Variants in MACROD2 observed in about 807,000 individuals in gnomAD.
MACROD2 encodes mono-ADP ribosylhydrolase 2.
MACROD2 carries 36 observed loss-of-function variants against 70.4 expected under a neutral mutation model. The ratio of observed to expected loss-of-function variants is 0.51; its 90% CI spans 0.39 to 0.68. The LOEUF (loss-of-function observed/expected upper bound fraction) is 0.68. Ranked by LOEUF, MACROD2 falls within the 30% of genes least tolerant of loss-of-function variation. The probability of loss-of-function intolerance (pLI) is 0.00; values close to 1 mark genes in which losing one functional copy is unlikely to be tolerated. For missense variants in MACROD2, 496 were observed against 538.4 expected (o/e 0.92, Z 0.78); for synonymous variants, 172 against 178.8 (o/e 0.96, Z 0.30).
intron 2 of MACROD2, among the ~76,000 whole-genome samples, chr20:14,012,653 T>C (rs907417613): frequency 2.6e-5 from 4 of 152,198 alleles, no homozygotes. Context: ...GCATTATTAA[T>C]GGCACTTTGT....
rs112533233 is a variant in MACROD2 at position 15,148,530 on chromosome 20, C to T, written c.419-81410C>T. ...TGATGGCTTGGAAAAACAGTGTAAACTGGCACTGTAAACAAGAGCAGGGCA... is the reference window on the plus strand; with the variant it reads ...TGATGGCTTGGAAAAACAGTGTAAATTGGCACTGTAAACAAGAGCAGGGCA... On this transcript the variant is annotated intron_variant, in intron 5 of 17. Transcript: ENST00000684519. 7.6e-4 allele frequency among the ~76,000 whole-genome samples: 116 copies of T among 152,130 alleles called. 1 individual carries two copies. The Middle Eastern group carries it at 0.01, about 13-fold the overall frequency.
intron 5 of MACROD2, among the ~76,000 whole-genome samples, chr20:14,857,025 C>G (rs1321937241): frequency 6.6e-6 from 1 of 152,086 alleles, no homozygotes; most frequent in African/African-American, 2.4e-5. Flanking sequence ...CCCATATAGT[C>G]CAGCATAAAC....
intron 6 of MACROD2, among the ~76,000 whole-genome samples, chr20:15,262,605 T>C (rs559347379): frequency 6.6e-6 from 1 of 152,228 alleles, no homozygotes; most frequent in African/African-American, 2.4e-5. Flanking sequence ...TATTTTTAGT[T>C]TTCTGAGAAA....
At chr20:15,174,620 A>G (rs933684699) in intron 5 of MACROD2, among the ~76,000 whole-genome samples, 67 of 152,152 alleles carry the variant, frequency 4.4e-4, no homozygotes, top group Non-Finnish European at 4.4e-4. Flanking sequence ...AGTCCCACCA[A>G]CAGTGTAAAA....
At chr20:15,054,946 C>CTTTTTTTTTTT (rs10673344) in intron 5 of MACROD2, among the ~76,000 whole-genome samples, 1 of 120,756 alleles carries the variant, frequency 8.3e-6, no homozygotes, top group African/African-American at 3.7e-5. Context: ...CCACATCTAG[C>CTTTTTTTTTTT]TTTTTTTTTT....
chr20:16,023,126 A>G (rs1486634505), intron 15 of MACROD2, among the ~76,000 whole-genome samples: 1 of 152,172 alleles, frequency 6.6e-6, no homozygotes, highest in Non-Finnish European at 1.5e-5. Flanking sequence ...CAAAGTGGAG[A>G]GTTTAATATA....
intron 3 of MACROD2, among the ~76,000 whole-genome samples, chr20:14,171,761 T>C (rs1295447940): frequency 6.6e-6 from 1 of 152,248 alleles, no homozygotes; most frequent in Non-Finnish European, 1.5e-5. Context: ...TATCATGTTG[T>C]CTATCTTGGA....
chr20:14,869,917 A>G (rs2073469032), intron 5 of MACROD2, among the ~76,000 whole-genome samples: 1 of 152,134 alleles, frequency 6.6e-6, no homozygotes, highest in Non-Finnish European at 1.5e-5. Context: ...CCATACAACC[A>G]TTCAGGAACC....
At chr20:14,631,631 C>A (rs902202982) in intron 4 of MACROD2, among the ~76,000 whole-genome samples, 7 of 152,024 alleles carry the variant, frequency 4.6e-5, no homozygotes, top group African/African-American at 1.7e-4. Flanking sequence ...AAAAATTAGC[C>A]AGGCATGGTG....
rs572036947 is a variant in MACROD2 at position 15,624,155 on chromosome 20, A to G, written c.645+124308A>G. Among the ~76,000 whole-genome samples, 6 of 152,320 alleles carry G rather than the reference A, an allele frequency of 3.9e-5. No homozygotes were observed. In the South Asian group the frequency reaches 1.2e-3, roughly 32 times the overall value. On this transcript the variant is annotated intron_variant, in intron 8 of 17. Coordinates refer to ENST00000684519, the MANE Select transcript of MACROD2 (RefSeq NM_001351661.2). ...AGTCCAAGGGTCCAACAGCCAAAGA[A>G]CTTGGAGTCTGATGTTTGAGGGCAG...
intron 6 of MACROD2, among the ~76,000 whole-genome samples, chr20:15,337,067 CT>C (rs2078056567): frequency 1.3e-5 from 2 of 151,746 alleles, no homozygotes; most frequent in African/African-American, 4.9e-5. Flanking sequence ...GAACTTTATT[CT>C]CTTAACCAGT....
chr20:14,786,774 G>C (rs893041522), intron 5 of MACROD2, among the ~76,000 whole-genome samples: 4 of 151,990 alleles, frequency 2.6e-5, no homozygotes, highest in African/African-American at 9.7e-5. Flanking sequence ...CTCCAATCTA[G>C]AATTTCCCAT....
intron 4 of MACROD2, among the ~76,000 whole-genome samples, chr20:14,592,503 A>T (rs1005801646): frequency 1.3e-5 from 2 of 152,140 alleles, no homozygotes; most frequent in African/African-American, 4.8e-5. Flanking sequence ...AGCTCACTGC[A>T]GCCTTGACCT....
At chr20:14,121,160 A>ACGATTCTGT (rs1456220367) in intron 3 of MACROD2, among the ~76,000 whole-genome samples, 16 of 152,192 alleles carry the variant, frequency 1.1e-4, no homozygotes. Context: ...AACTCTAGTA[A>ACGATTCTGT]CGATTCTGTC....
At chr20:15,992,792 T>C (rs2066575765) in intron 15 of MACROD2, among the ~76,000 whole-genome samples, 1 of 152,182 alleles carries the variant, frequency 6.6e-6, no homozygotes, top group Admixed American at 6.5e-5. Flanking sequence ...ACGTGGTTTA[T>C]CAAAATAATT....
intron 5 of MACROD2, among the ~76,000 whole-genome samples, chr20:14,960,957 A>G (rs1260328352): frequency 6.6e-6 from 1 of 152,188 alleles, no homozygotes; most frequent in East Asian, 1.9e-4. Flanking sequence ...GAGAGTGGTT[A>G]GGAACAGTGC....
chr20:14,852,861 T>A (rs2073213579), intron 5 of MACROD2, among the ~76,000 whole-genome samples: 1 of 152,208 alleles, frequency 6.6e-6, no homozygotes, highest in South Asian at 2.1e-4. Context: ...TCAACAAACT[T>A]ATCCCTAGGT....
At chr20:15,242,504 A>G (rs1480453449) in intron 6 of MACROD2, among the ~76,000 whole-genome samples, 1 of 152,116 alleles carries the variant, frequency 6.6e-6, no homozygotes, top group Non-Finnish European at 1.5e-5. Context: ...GTTTGCCTTT[A>G]TTGTGATGTC....
intron 8 of MACROD2, among the ~76,000 whole-genome samples, chr20:15,805,479 C>T (rs1418806038): frequency 2.1e-5 from 3 of 142,222 alleles, no homozygotes; most frequent in Non-Finnish European, 4.7e-5. Flanking sequence ...AGGAATATTT[C>T]TTTTTTTTTT....
Sources: allele counts gnomAD v4.1 joint callset (sites outside exome capture counted in the v4.1 genomes callset), GRCh38; gene constraint gnomAD v4.1.1; transcripts MANE v1.5; gene names NCBI Gene and HGNC (gene_info 2026-07-23, HGNC 2026-07-21).